The following DCLK1 variants were observed in gnomAD, a reference collection of about 807,000 sequenced individuals.
DCLK1 encodes the protein serine/threonine-protein kinase DCLK1.
A neutral mutation model predicts 86.2 loss-of-function variants in DCLK1; 16 were observed. The ratio of observed to expected loss-of-function variants is 0.19; its 90% confidence interval spans 0.13 to 0.28. The LOEUF (loss-of-function observed/expected upper bound fraction) is 0.28. Ranked by LOEUF, DCLK1 falls within the 10% of genes least tolerant of loss-of-function variation. The pLI is 1.00. For missense variants in DCLK1, 590 were observed against 940.2 expected (o/e 0.63, Z 4.87); for synonymous variants, 369 against 370.5 (o/e 1.00, Z 0.05).
chr13:35,978,203 C>CTTTTTTTTTTTTTTTTTTTTTTTTTTTT (rs11311688), intron 3 of DCLK1, among the ~76,000 whole-genome samples: 1 of 82,758 alleles, frequency 1.2e-5, no homozygotes, highest in Non-Finnish European at 2.3e-5. Flanking sequence ...CTTTTCTTTT[C>CTTTTTTTTTTTTTTTTTTTTTTTTTTTT]TTTTTTTTTT....
chr13:35,987,501 G>T (rs1593795024), intron 3 of DCLK1, among the ~76,000 whole-genome samples: 1 of 152,040 alleles, frequency 6.6e-6, no homozygotes, highest in East Asian at 1.9e-4. Flanking sequence ...ACGACCCTTA[G>T]GGGGTGCTTG....
intron 3 of DCLK1, among the ~76,000 whole-genome samples, chr13:36,081,074 T>C (rs537465931): frequency 1.3e-5 from 2 of 152,286 alleles, no homozygotes; most frequent in South Asian, 2.1e-4. Flanking sequence ...CGGTGTTTGG[T>C]AGAAGTTTTG....
At chr13:35,850,451 T>C in intron 6 of DCLK1, 1 of 1,117,742 alleles carries the variant, frequency 8.9e-7, no homozygotes. Context: ...GAAATTCATC[T>C]AGAGCCAGGC....
intron 3 of DCLK1, among the ~76,000 whole-genome samples, chr13:35,976,525 G>GTTTTTTTTATTTTTTTTTTTTTTT (rs1879342633): frequency 1.8e-5 from 1 of 56,350 alleles, no homozygotes; most frequent in Non-Finnish European, 3.3e-5. Flanking sequence ...CTTCTCCGAG[G>GTTTTTTTTATTTTTTTTTTTTTTT]TTTTTTTTTT....
intron 7 of DCLK1, 59 bp from the exon 8 acceptor site, chr13:35,836,200 G>A (rs1052828924): frequency 7.2e-7 from 1 of 1,379,670 alleles, no homozygotes; most frequent in Admixed American, 1.9e-5. Context: ...TGTTGCACAA[G>A]GAAACATTTA....
chr13:36,032,079 T>C (rs1430536820), intron 3 of DCLK1, among the ~76,000 whole-genome samples: 1 of 152,224 alleles, frequency 6.6e-6, no homozygotes, highest in Admixed American at 6.5e-5. Context: ...AACTGTAAAT[T>C]AGGTATTATG....
At chr13:35,954,211 C>T (rs1877851578) in intron 3 of DCLK1, among the ~76,000 whole-genome samples, 2 of 151,758 alleles carry the variant, frequency 1.3e-5, no homozygotes, top group Non-Finnish European at 2.9e-5. Context: ...GCTTACACTG[C>T]TTTTTTTTTA....
At chr13:36,075,448 A>G (rs575454646) in intron 3 of DCLK1, among the ~76,000 whole-genome samples, 1 of 152,316 alleles carries the variant, frequency 6.6e-6, no homozygotes, top group South Asian at 2.1e-4. Flanking sequence ...ACATCTGAGT[A>G]TTTTGGGAAA....
chr13:35,849,680 A>C, intron 6 of DCLK1: 1 of 984,300 alleles, frequency 1.0e-6, no homozygotes, highest in Non-Finnish European at 1.2e-6. Context: ...TCATAGACTT[A>C]ATTGGTTTAA....
intron 2 of DCLK1, among the ~76,000 whole-genome samples, chr13:36,119,110 T>G (rs2138205106): frequency 6.6e-6 from 1 of 152,236 alleles, no homozygotes; most frequent in South Asian, 2.1e-4. Context: ...AGAGAAAGAA[T>G]GAATTCTGGA....
chr13:35,820,323 A>C (rs935376338), intron 11 of DCLK1, among the ~76,000 whole-genome samples: 1 of 152,252 alleles, frequency 6.6e-6, no homozygotes, highest in Admixed American at 6.5e-5. Flanking sequence ...TTAAAACCAC[A>C]TTATAAATGA....
intron 3 of DCLK1, among the ~76,000 whole-genome samples, chr13:35,982,144 G>A (rs74804584): frequency 3.9e-5 from 6 of 152,122 alleles, no homozygotes; most frequent in East Asian, 3.9e-4. Flanking sequence ...ACACCCACCC[G>A]GAGGGATCCT....
intron 10 of DCLK1, among the ~76,000 whole-genome samples, chr13:35,823,188 G>A (rs911778711): frequency 1.4e-4 from 22 of 152,084 alleles, no homozygotes; most frequent in African/African-American, 5.3e-4. Context: ...GATCTCCAGG[G>A]CAGAGGACTG....
At chr13:35,791,924 T>A (rs1002846051) in intron 16 of DCLK1, among the ~76,000 whole-genome samples, 1 of 152,162 alleles carries the variant, frequency 6.6e-6, no homozygotes, top group Non-Finnish European at 1.5e-5. Context: ...GAACGAACAA[T>A]GGAAACAGAG....
At chr13:35,820,040 G>T (rs1431471962) in intron 11 of DCLK1, among the ~76,000 whole-genome samples, 1 of 152,064 alleles carries the variant, frequency 6.6e-6, no homozygotes, top group African/African-American at 2.4e-5. Context: ...ATAAATCCTG[G>T]GTGTGTGAGG....
intron 3 of DCLK1, among the ~76,000 whole-genome samples, chr13:36,106,362 G>A (rs552573788): frequency 1.7e-3 from 263 of 152,186 alleles, no homozygotes; most frequent in African/African-American, 6.1e-3. Flanking sequence ...GTGTCATTAC[G>A]ATTCTTAAAC....
chr13:36,131,498 A>G (rs1401671296), upstream of DCLK1, among the ~76,000 whole-genome samples: 3 of 151,466 alleles, frequency 2.0e-5, no homozygotes, highest in African/African-American at 7.3e-5. Flanking sequence ...CCTTCTTGGC[A>G]GGGCGCACCC....
At chr13:35,889,387 C>A (rs1873495103) in intron 4 of DCLK1, among the ~76,000 whole-genome samples, 1 of 152,090 alleles carries the variant, frequency 6.6e-6, no homozygotes, top group Non-Finnish European at 1.5e-5. Context: ...AAGAAGGAAG[C>A]AATAAATCAC....
At position 36,111,879 on chromosome 13, in the gene DCLK1, T is replaced by G; in HGVS notation, c.713A>C (p.Asp238Ala). 1 of 1,610,898 alleles carries G rather than the reference T, an allele frequency of 6.2e-7. No individual in the cohort carries two copies. The highest frequency in any genetic ancestry group is 8.5e-7 in the Non-Finnish European group (1 of 1,177,532). The change falls in exon 3 of 17, where the codon GAT becomes GCT. Residue 238 changes from aspartate to alanine, a missense_variant. Physicochemically the swap from Asp to Ala is moderately radical, Grantham distance 126 (BLOSUM62 -2). Around this residue, in one of 6 missense-constraint regions of DCLK1, gnomAD observed 195 missense variants for 365.1 expected, o/e 0.53. Transcript: ENST00000360631. ...SGVVKRLYTL[D>A]GKQVMCLQDF... is the part of the protein sequence containing the mutation. ...CAATATGTCTCTTACCTGTTTCCCATCCAACGTGTACAGGCGTTTCACCAC... is the reference window on the plus strand; with the variant it reads ...CAATATGTCTCTTACCTGTTTCCCAGCCAACGTGTACAGGCGTTTCACCAC...
Sources: allele counts gnomAD v4.1 joint callset (sites outside exome capture counted in the v4.1 genomes callset), GRCh38; gene constraint gnomAD v4.1.1; regional missense constraint gnomAD v4.1.1; transcripts MANE v1.5; gene names NCBI Gene and HGNC (gene_info 2026-07-23, HGNC 2026-07-21).